Variants in KIF6 observed in about 807,000 individuals in gnomAD.
The protein encoded by KIF6 is kinesin family member 6.
KIF6 carries 106 observed loss-of-function variants against 112.7 expected under a neutral mutation model. The observed-to-expected ratio is 0.94, with a 90% confidence interval of 0.80 to 1.11. The LOEUF is 1.11. KIF6 is among the 50% of genes least tolerant of loss of function. The pLI is 0.00. For missense variants in KIF6, 929 were observed against 964.0 expected, an observed-to-expected ratio of 0.96 and a Z score of 0.48; for synonymous variants, 339 against 339.9, an observed-to-expected ratio of 1.00 and a Z score of 0.03.
chr6:39,604,360 A>G (rs1782752179), intron 6 of KIF6, among the ~76,000 whole-genome samples: 1 of 152,158 alleles, frequency 6.6e-6, no homozygotes, highest in Non-Finnish European at 1.5e-5. Flanking sequence ...ACTCTAACTC[A>G]GCCTGGAAAA....
chr6:39,658,643 A>G (rs1171410850), intron 3 of KIF6, among the ~76,000 whole-genome samples: 1 of 152,222 alleles, frequency 6.6e-6, no homozygotes. Context: ...CATATAAGAA[A>G]AAAAGCTTAC....
intron 13 of KIF6, among the ~76,000 whole-genome samples, chr6:39,438,727 A>C (rs1302637536): frequency 6.6e-6 from 1 of 152,232 alleles, no homozygotes; most frequent in African/African-American, 2.4e-5. Context: ...AAATGAATTT[A>C]GTGTAGCTTA....
At chr6:39,693,852 C>A in intron 3 of KIF6, among the ~76,000 whole-genome samples, 1 of 151,946 alleles carries the variant, frequency 6.6e-6, no homozygotes, top group Admixed American at 6.6e-5. Context: ...CAAAATCTGG[C>A]AAAGACACAA....
intron 1 of KIF6, among the ~76,000 whole-genome samples, chr6:39,723,532 C>CAT (rs1050021231): frequency 2.0e-5 from 3 of 152,078 alleles, no homozygotes; most frequent in Admixed American, 6.5e-5. Flanking sequence ...AAATGTGGTA[C>CAT]ATATATATAC....
At chr6:39,388,210 C>A (rs2150318120) in intron 15 of KIF6, among the ~76,000 whole-genome samples, 1 of 152,294 alleles carries the variant, frequency 6.6e-6, no homozygotes, top group African/African-American at 2.4e-5. Flanking sequence ...TAGGTGTGCT[C>A]AACCTGGTAT....
intron 10 of KIF6, among the ~76,000 whole-genome samples, chr6:39,566,424 T>C (rs1007076824): frequency 2.0e-5 from 3 of 152,212 alleles, no homozygotes; most frequent in African/African-American, 7.2e-5. Flanking sequence ...ACATCTCCTA[T>C]TCAGGGAGTA....
chr6:39,528,167 T>C (rs1777839793), intron 13 of KIF6, among the ~76,000 whole-genome samples: 1 of 152,208 alleles, frequency 6.6e-6, no homozygotes, highest in South Asian at 2.1e-4. Context: ...TCTGCTTCTT[T>C]GAGTTCGATT....
chr6:39,386,815 A>T (rs1767468640), intron 15 of KIF6, among the ~76,000 whole-genome samples: 1 of 152,206 alleles, frequency 6.6e-6, no homozygotes, highest in Non-Finnish European at 1.5e-5. Context: ...ACACTTGTTA[A>T]AATGTCAGTG....
chr6:39,529,766 G>A lies in KIF6; in HGVS notation c.1645+10237C>T, dbSNP rs191371676. Among the ~76,000 whole-genome samples, 18 of 152,010 alleles carry A rather than the reference G, an allele frequency of 1.2e-4. No homozygotes were observed. In the East Asian group the frequency reaches 3.1e-3, roughly 26 times the overall value. On this transcript the variant is annotated intron_variant, in intron 13 of 22. Transcript: ENST00000287152. ...CATGCCACTGCACTCCAGCCTGGGCGACAGAGCGAGACTCCGTCTCAAAAA... is the reference window on the plus strand; with the variant it reads ...CATGCCACTGCACTCCAGCCTGGGCAACAGAGCGAGACTCCGTCTCAAAAA...
At chr6:39,549,419 CTATTAT>C (rs1200843486) in intron 10 of KIF6, among the ~76,000 whole-genome samples, 1 of 152,160 alleles carries the variant, frequency 6.6e-6, no homozygotes. Flanking sequence ...GAGAAAAGTG[CTATTAT>C]TATCCCCATG....
intron 13 of KIF6, among the ~76,000 whole-genome samples, chr6:39,495,834 G>C (rs1775749948): frequency 6.6e-6 from 1 of 152,172 alleles, no homozygotes; most frequent in Non-Finnish European, 1.5e-5. Flanking sequence ...CTTCCGGATG[G>C]GGGAGGGGAT....
chr6:39,675,217 G>A (rs1158866636), intron 3 of KIF6, among the ~76,000 whole-genome samples: 1 of 152,134 alleles, frequency 6.6e-6, no homozygotes, highest in East Asian at 1.9e-4. Flanking sequence ...GCTGACATCA[G>A]AAACCAGGGT....
rs1762794389 is a variant in KIF6, at chr6:39,332,926, C to T, written c.*3606G>A. 1 of 152,228 alleles carries T rather than the reference C, an allele frequency of 6.6e-6. No homozygotes were observed. The highest frequency in any genetic ancestry group is 2.1e-4 in the South Asian group (1 of 4,828). 9.4% of individuals were successfully genotyped at this position (152,228 alleles called of 1,614,324 possible). ...AAACCACTGGGCTCTACCTGGTTCC[C>T]CCTTCCTGGGCTGCAGCCTGAAAAC... On this transcript the variant is annotated 3_prime_UTR_variant, in exon 23 of 23. Transcript: ENST00000287152.
chr6:39,465,414 C>CCTT (rs1176334514), intron 13 of KIF6, among the ~76,000 whole-genome samples: 2 of 152,266 alleles, frequency 1.3e-5, no homozygotes, highest in Middle Eastern at 3.4e-3. Context: ...TGGACTCCTC[C>CCTT]CTTCTCTTCA....
At chr6:39,454,175 A>C (rs181128657) in intron 13 of KIF6, among the ~76,000 whole-genome samples, 1 of 152,188 alleles carries the variant, frequency 6.6e-6, no homozygotes, top group Non-Finnish European at 1.5e-5. Flanking sequence ...TGGAAACCTA[A>C]ACTTTAAGCT....
intron 14 of KIF6, among the ~76,000 whole-genome samples, chr6:39,428,097 T>C (rs2150376598): frequency 6.6e-6 from 1 of 152,352 alleles, no homozygotes; most frequent in South Asian, 2.1e-4. Flanking sequence ...TTCTGGACAC[T>C]GTCTAAGCCA....
intron 3 of KIF6, among the ~76,000 whole-genome samples, chr6:39,706,491 G>GTTTTTA (rs1386223895): frequency 1.2e-4 from 18 of 152,174 alleles, no homozygotes; most frequent in Non-Finnish European, 2.2e-4. Flanking sequence ...GCTTTAAGCT[G>GTTTTTA]ATATGTTAGT....
chr6:39,521,705 A>T (rs1018583007), intron 13 of KIF6, among the ~76,000 whole-genome samples: 1 of 152,198 alleles, frequency 6.6e-6, no homozygotes, highest in Non-Finnish European at 1.5e-5. Context: ...GAGTCAGTCA[A>T]TCAGAAGCCA....
intron 6 of KIF6, among the ~76,000 whole-genome samples, chr6:39,605,378 A>G (rs977049190): frequency 1.3e-5 from 2 of 152,066 alleles, no homozygotes; most frequent in African/African-American, 2.4e-5. Flanking sequence ...GACTATTCAC[A>G]TAAGTGGAAT....
Sources: gnomAD v4.1 joint callset for allele counts (sites outside exome capture counted in the v4.1 genomes callset) on GRCh38, gnomAD v4.1.1 for gene constraint, MANE v1.5 for transcripts, NCBI Gene and HGNC (gene_info 2026-07-23, HGNC 2026-07-21) for gene names.